CSMD2: variants seen among roughly 807,000 people sequenced by gnomAD.
The protein encoded by CSMD2 is CUB and Sushi multiple domains 2, also known as CUB and sushi domain-containing protein 2.
Under a neutral mutation model 398.5 loss-of-function variants are expected in CSMD2, and 130 were observed. The ratio of observed to expected loss-of-function variants is 0.33; its 90% CI spans 0.28 to 0.38. The LOEUF is 0.38. CSMD2 is among the 10% of genes least tolerant of loss of function. CSMD2 has a pLI of 1.00. For synonymous variants in CSMD2, 1,828 were observed against 1,908.5 expected (o/e 0.96, Z 1.10); for missense variants, 3,829 against 4,764.9 (o/e 0.80, Z 5.78).
intron 5 of CSMD2, among the ~76,000 whole-genome samples, chr1:33,904,101 G>A (rs1642923204): frequency 6.6e-6 from 1 of 152,204 alleles, no homozygotes; most frequent in Non-Finnish European, 1.5e-5. Context: ...TATTCTAAAT[G>A]TGATAGTAAG....
At chr1:34,114,699 A>C (rs1455216153) in intron 1 of CSMD2, among the ~76,000 whole-genome samples, 3 of 151,924 alleles carry the variant, frequency 2.0e-5, no homozygotes, top group African/African-American at 7.2e-5. Flanking sequence ...CCCTGTCTCA[A>C]AAAAAAAGGA....
At chr1:33,824,244 C>T (rs1178365885) in intron 7 of CSMD2, among the ~76,000 whole-genome samples, 1 of 152,198 alleles carries the variant, frequency 6.6e-6, no homozygotes, top group Non-Finnish European at 1.5e-5. Flanking sequence ...CCTGTGGCTA[C>T]AGAAAGAAAA....
intron 19 of CSMD2, 31 bp downstream of exon 19, chr1:33,724,166 C>T: frequency 6.6e-7 from 1 of 1,523,210 alleles, no homozygotes; most frequent in Non-Finnish European, 9.1e-7. Flanking sequence ...CTCGTCACAT[C>T]CCAATGCCTG....
chr1:33,724,737 G>A (rs777405072), intron 17 of CSMD2, 33 bp from the exon 18 acceptor site: 1 of 1,600,416 alleles, frequency 6.2e-7, no homozygotes, highest in South Asian at 1.1e-5. Context: ...GGGACAGACA[G>A]CTTACTGTCA....
chr1:34,035,591 T>C (rs367883127), intron 2 of CSMD2, among the ~76,000 whole-genome samples: 76 of 152,002 alleles, frequency 5.0e-4, no homozygotes, highest in African/African-American at 1.7e-3. Flanking sequence ...ATTAACAGGT[T>C]AAAGGTAGAA....
At chr1:33,987,555 T>G (rs530956137) in intron 3 of CSMD2, among the ~76,000 whole-genome samples, 2 of 152,274 alleles carry the variant, frequency 1.3e-5, no homozygotes, top group South Asian at 4.2e-4. Flanking sequence ...GAGCAAGTAT[T>G]TGTTTAGATA....
chr1:33,738,757 G>A (rs575689593), intron 15 of CSMD2, among the ~76,000 whole-genome samples: 6 of 152,104 alleles, frequency 3.9e-5, no homozygotes, highest in Non-Finnish European at 7.4e-5. Context: ...AAGAGTGACA[G>A]GCAGCTTGAA....
chr1:33,515,806 T>C lies in CSMD2; in HGVS notation c.*818A>G, dbSNP rs1410006397. On this transcript the variant is annotated 3_prime_UTR_variant, in exon 71 of 71. Coordinates refer to ENST00000373381, the MANE Select transcript of CSMD2 (RefSeq NM_001281956.2). Reference sequence around the variant, plus strand: ...TCTCTTTGTCAGTTGACAGCCAGACTTGACCTTGGGCTCCTGGCCAGACTC... The same window carrying C: ...TCTCTTTGTCAGTTGACAGCCAGACCTGACCTTGGGCTCCTGGCCAGACTC... 1.3e-5 allele frequency: 2 copies of C among 152,256 alleles called. No individual in the cohort carries two copies. Among genetic ancestry groups the C allele is most frequent in the East Asian group, 3.9e-4 (2 of 5,178 alleles). The allele number at this position is 152,256 out of a possible 1,614,324, so 9.4% of individuals were successfully genotyped here. A position where few individuals can be genotyped will look rare whatever the true frequency, so the allele number is the denominator to read the frequency against.
intron 3 of CSMD2, among the ~76,000 whole-genome samples, chr1:33,979,300 G>C (rs1436041829): frequency 2.0e-5 from 3 of 152,164 alleles, no homozygotes; most frequent in Non-Finnish European, 4.4e-5. Flanking sequence ...AGTAGGGGTG[G>C]TTGTCAGTGC....
intron 38 of CSMD2, 51 bp from the exon 39 acceptor site, chr1:33,617,026 G>A (rs1449496628): frequency 6.8e-7 from 1 of 1,460,010 alleles, no homozygotes; most frequent in Non-Finnish European, 9.6e-7. Context: ...GGGCACAATT[G>A]TATGTACAAC....
rs751830133 is a variant in CSMD2, at chr1:33,714,665, G to A, written c.3328C>T (p.Arg1110Cys). The change falls in exon 21 of 71, where the codon CGT becomes TGT. Residue 1110 changes from arginine (R) to cysteine (C), a missense_variant. Transcript: ENST00000373381. ...TLTFSCFPGY[R>C]LEGTARITCL... ...GTGATGCGGGCGGTGCCCTCCAGAC[G>A]GTACCCGGGGAAGCAGGAGAAGGTC... The A allele has an allele frequency of 2.5e-6, 4 of 1,613,852 alleles. No homozygotes were observed. Among genetic ancestry groups the A allele is most frequent in the Non-Finnish European group, 3.4e-6 (4 of 1,180,046 alleles).
At chr1:33,613,850 T>C (rs886286912) in intron 40 of CSMD2, among the ~76,000 whole-genome samples, 16 of 152,126 alleles carry the variant, frequency 1.1e-4, no homozygotes, top group Non-Finnish European at 1.8e-4. Context: ...GTGCATAATA[T>C]GTGGATCACC....
chr1:34,002,126 A>G (rs942705041), intron 3 of CSMD2, among the ~76,000 whole-genome samples: 3 of 152,160 alleles, frequency 2.0e-5, no homozygotes, highest in African/African-American at 4.8e-5. Context: ...TTCTTGAAAA[A>G]TCTGTCTTTC....
chr1:33,535,759 G>T (rs1420965342), intron 62 of CSMD2, among the ~76,000 whole-genome samples: 1 of 152,198 alleles, frequency 6.6e-6, no homozygotes, highest in Non-Finnish European at 1.5e-5. Flanking sequence ...AGGCTGCTAA[G>T]CACTTCCCTC....
At chr1:33,744,470 C>T (rs1461618263) in intron 13 of CSMD2, among the ~76,000 whole-genome samples, 1 of 152,068 alleles carries the variant, frequency 6.6e-6, no homozygotes, top group Non-Finnish European at 1.5e-5. Flanking sequence ...GTTCTCTCTC[C>T]CCTATTTCAC....
intron 10 of CSMD2, among the ~76,000 whole-genome samples, chr1:33,796,420 C>T (rs1289485895): frequency 6.6e-6 from 1 of 152,202 alleles, no homozygotes; most frequent in Non-Finnish European, 1.5e-5. Context: ...TTTATAATTT[C>T]TTACGCCTGT....
chr1:33,769,399 C>T (rs1287790037), intron 13 of CSMD2, among the ~76,000 whole-genome samples: 2 of 152,134 alleles, frequency 1.3e-5, no homozygotes, highest in South Asian at 4.1e-4. Flanking sequence ...GTATTACTTC[C>T]CATTGATTTT....
chr1:33,745,580 G>C (rs926702107), intron 13 of CSMD2, among the ~76,000 whole-genome samples: 3 of 152,156 alleles, frequency 2.0e-5, no homozygotes, highest in Admixed American at 1.3e-4. Flanking sequence ...GATGAGTTTA[G>C]TCTTGATTCT....
At chr1:33,619,927 C>T (rs1379587353) in intron 37 of CSMD2, among the ~76,000 whole-genome samples, 1 of 152,176 alleles carries the variant, frequency 6.6e-6, no homozygotes, top group East Asian at 1.9e-4. Flanking sequence ...CTATTTAGTG[C>T]AGTAGTTGCA....
Sources: gnomAD v4.1 joint callset for allele counts (sites outside exome capture counted in the v4.1 genomes callset) on GRCh38, gnomAD v4.1.1 for gene constraint, MANE v1.5 for transcripts, NCBI Gene and HGNC (gene_info 2026-07-23, HGNC 2026-07-21) for gene names.